Variants in CSMD3 observed in about 807,000 individuals in gnomAD.
CSMD3 encodes CUB and Sushi multiple domains 3.
A neutral mutation model predicts 435.2 loss-of-function variants in CSMD3; 177 were observed. The ratio of observed to expected loss-of-function variants is 0.41; its 90% confidence interval spans 0.36 to 0.46. The LOEUF is 0.46. CSMD3 is among the 20% of genes least tolerant of loss of function. CSMD3 has a pLI of 0.34. For missense variants in CSMD3, 4,265 were observed against 4,504.6 expected (o/e 0.95, Z 1.52); for synonymous variants, 1,656 against 1,520.5 (o/e 1.09, Z -2.07).
At chr8:112,797,312 C>T (rs1278344193) in intron 13 of CSMD3, among the ~76,000 whole-genome samples, 3 of 151,868 alleles carry the variant, frequency 2.0e-5, no homozygotes, top group Non-Finnish European at 4.4e-5. Context: ...TCTTCCCATC[C>T]TTGTTCTACC....
intron 11 of CSMD3, among the ~76,000 whole-genome samples, chr8:112,848,281 AT>A (rs1229867247): frequency 1.3e-5 from 2 of 152,164 alleles, no homozygotes; most frequent in Admixed American, 6.6e-5. Flanking sequence ...TTTAATATAA[AT>A]GTAGTTAGCA....
intron 1 of CSMD3, among the ~76,000 whole-genome samples, chr8:113,371,931 A>G (rs1329604789): frequency 6.6e-6 from 1 of 152,184 alleles, no homozygotes; most frequent in East Asian, 1.9e-4. Flanking sequence ...GAGTATTTCA[A>G]TGAGAACAAT....
At chr8:113,265,475 TA>T (rs879749018) in intron 3 of CSMD3, among the ~76,000 whole-genome samples, 1 of 151,614 alleles carries the variant, frequency 6.6e-6, no homozygotes, top group Non-Finnish European at 1.5e-5. Context: ...TATGCTACAC[TA>T]AGCTAAAATG....
At chr8:112,904,599 C>T (rs1013598461) in intron 10 of CSMD3, among the ~76,000 whole-genome samples, 1 of 151,152 alleles carries the variant, frequency 6.6e-6, no homozygotes, top group South Asian at 2.1e-4. Context: ...ATAATAAGAG[C>T]AATTGGATTA....
chr8:113,432,826 T>G (rs16884680), intron 1 of CSMD3, among the ~76,000 whole-genome samples: 17,540 of 152,188 alleles, frequency 0.12, 1,074 homozygotes, highest in East Asian at 0.18. Context: ...CCTGGGAACA[T>G]TAAAGCGCTG....
chr8:112,496,710 A>G (rs747618032), intron 30 of CSMD3, among the ~76,000 whole-genome samples: 3 of 152,160 alleles, frequency 2.0e-5, no homozygotes, highest in Non-Finnish European at 4.4e-5. Context: ...CAAATTTTGC[A>G]TTTTCTTACT....
chr8:113,421,736 T>A (rs1462285904), intron 1 of CSMD3, among the ~76,000 whole-genome samples: 6 of 152,132 alleles, frequency 3.9e-5, no homozygotes, highest in Admixed American at 3.3e-4. Context: ...GGACTTTTTC[T>A]GGAATTTTCT....
chr8:112,294,796 T>A (rs1484398953), intron 54 of CSMD3, among the ~76,000 whole-genome samples: 1 of 152,172 alleles, frequency 6.6e-6, no homozygotes, highest in Non-Finnish European at 1.5e-5. Flanking sequence ...GAGATCTTTT[T>A]AAAATATTTC....
intron 67 of CSMD3, 64 bp downstream of exon 67, chr8:112,237,126 T>C (rs986845222): frequency 3.4e-5 from 52 of 1,521,626 alleles, no homozygotes; most frequent in Non-Finnish European, 4.7e-5. Flanking sequence ...TTACTAAAAA[T>C]GATGAAATCA....
At chr8:112,272,382 G>C (rs189395846) in intron 59 of CSMD3, among the ~76,000 whole-genome samples, 2 of 151,902 alleles carry the variant, frequency 1.3e-5, no homozygotes, top group African/African-American at 4.8e-5. Flanking sequence ...AATTCATATA[G>C]TAACTGGCCT....
intron 45 of CSMD3, among the ~76,000 whole-genome samples, chr8:112,320,654 C>T (rs1302120402): frequency 2.1e-5 from 3 of 142,528 alleles, no homozygotes; most frequent in Non-Finnish European, 3.1e-5. Context: ...CTCCACCCCA[C>T]GACAGGCCCC....
intron 4 of CSMD3, among the ~76,000 whole-genome samples, chr8:113,133,574 T>C (rs138967209): frequency 6.6e-6 from 1 of 152,250 alleles, no homozygotes; most frequent in East Asian, 1.9e-4. Flanking sequence ...CAATCCCACT[T>C]GTGGGTTTAT....
intron 3 of CSMD3, among the ~76,000 whole-genome samples, chr8:113,182,550 AAAC>A (rs2092436905): frequency 6.6e-6 from 1 of 151,814 alleles, no homozygotes; most frequent in African/African-American, 2.4e-5. Context: ...AAAAACAAAA[AAAC>A]AACAAAAACA....
At chr8:112,954,246 G>GT (rs1265658892) in intron 8 of CSMD3, among the ~76,000 whole-genome samples, 2 of 151,486 alleles carry the variant, frequency 1.3e-5, no homozygotes, top group Admixed American at 6.6e-5. Flanking sequence ...ATTAAGACTT[G>GT]TTTTTTCTGA....
intron 27 of CSMD3, among the ~76,000 whole-genome samples, chr8:112,535,327 A>C (rs1025864459): frequency 2.0e-4 from 31 of 152,210 alleles, no homozygotes; most frequent in Admixed American, 6.5e-5. Flanking sequence ...GCAAAGTCTC[A>C]GGATACAAAA....
intron 22 of CSMD3, among the ~76,000 whole-genome samples, chr8:112,623,621 C>G (rs1048225076): frequency 9.8e-6 from 1 of 101,566 alleles, no homozygotes; most frequent in East Asian, 2.5e-4. Context: ...CCCACTAACT[C>G]GTCATCTAGC....
intron 2 of CSMD3, among the ~76,000 whole-genome samples, chr8:113,292,227 C>A (rs2132535941): frequency 1.3e-5 from 2 of 151,068 alleles, no homozygotes; most frequent in Non-Finnish European, 3.0e-5. Flanking sequence ...AGTTAGATGA[C>A]AAGAATGTAA....
At chr8:112,422,008 A>G (rs1213798805) in intron 32 of CSMD3, among the ~76,000 whole-genome samples, 1 of 152,066 alleles carries the variant, frequency 6.6e-6, no homozygotes, top group East Asian at 1.9e-4. Context: ...AAAGGGAAAG[A>G]ACTAAGATTT....
At chr8:113,161,001 GC>G (rs1170257928) in intron 4 of CSMD3, among the ~76,000 whole-genome samples, 1 of 152,006 alleles carries the variant, frequency 6.6e-6, no homozygotes, top group African/African-American at 2.4e-5. Flanking sequence ...ATTAAATCTG[GC>G]CTTTGGTTAC....
Sources: allele counts gnomAD v4.1 joint callset (sites outside exome capture counted in the v4.1 genomes callset), GRCh38; gene constraint gnomAD v4.1.1; transcripts MANE v1.5; gene names NCBI Gene and HGNC (gene_info 2026-07-23, HGNC 2026-07-21).